GLMN: variants seen among roughly 807,000 people sequenced by gnomAD.
The protein encoded by GLMN is glomulin.
Under a neutral mutation model 87.8 loss-of-function variants are expected in GLMN, and 75 were observed. The observed-to-expected ratio is 0.85, with a 90% CI of 0.71 to 1.04. The LOEUF is 1.04. Among genes scored for constraint, GLMN ranks in the 50% least tolerant of loss-of-function variants. The probability of loss-of-function intolerance (pLI) is 0.00; values close to 1 mark genes in which losing one functional copy is unlikely to be tolerated. For missense variants in GLMN, 588 were observed against 658.8 expected (o/e 0.89, Z 1.18); for synonymous variants, 206 against 221.6 (o/e 0.93, Z 0.63).
At chr1:92,257,051 G>GCA (rs1262875629) in intron 16 of GLMN, among the ~76,000 whole-genome samples, 2 of 152,160 alleles carry the variant, frequency 1.3e-5, no homozygotes, top group Admixed American at 6.5e-5. Flanking sequence ...AGCAACTTTG[G>GCA]CAAAGTCTCA....
chr1:92,361,457 T>C, the GLMN span, among the ~76,000 whole-genome samples: 1 of 152,170 alleles, frequency 6.6e-6, no homozygotes, highest in African/African-American at 2.4e-5. Flanking sequence ...TATGGACTTA[T>C]GGCATAGATT....
At chr1:92,336,177 G>C in the GLMN span, among the ~76,000 whole-genome samples, 1 of 152,258 alleles carries the variant, frequency 6.6e-6, no homozygotes, top group South Asian at 2.1e-4. Context: ...GGGTTACTAT[G>C]AATGTTTCCT....
rs1329088044 is a variant in GLMN at position 92,250,497 on chromosome 1, G to T, written c.1474-2508C>A. On this transcript the variant is annotated intron_variant, in intron 16 of 18. Coordinates refer to ENST00000370360, the MANE Select transcript of GLMN (RefSeq NM_053274.3). ...TTCAAAATAATGCAGCATTTACATT[G>T]CTGTATGTTTTCCCATTCACACGGG... 4.6e-5 allele frequency among the ~76,000 whole-genome samples: 7 copies of T among 152,224 alleles called. No individual in the cohort carries two copies. The East Asian group carries it at 1.2e-3, about 25-fold the overall frequency.
At chr1:92,326,485 A>G in the GLMN span, among the ~76,000 whole-genome samples, 1 of 152,262 alleles carries the variant, frequency 6.6e-6, no homozygotes, top group East Asian at 1.9e-4. Flanking sequence ...TTGTGGTAGT[A>G]TAGGGAGGAT....
At chr1:92,308,642 T>TG in the GLMN span, among the ~76,000 whole-genome samples, 1 of 152,204 alleles carries the variant, frequency 6.6e-6, no homozygotes, top group East Asian at 1.9e-4. Flanking sequence ...GCATAGGTAT[T>TG]GGTCCTTCCT....
the GLMN span, chr1:92,336,479 T>C: frequency 4.0e-6 from 5 of 1,253,586 alleles, no homozygotes; most frequent in Non-Finnish European, 5.8e-6. Context: ...CTTTATTTAT[T>C]GCCTTGCAGA....
chr1:92,249,650 C>T (rs1386585), intron 16 of GLMN, among the ~76,000 whole-genome samples: 131,378 of 152,136 alleles, frequency 0.86, 57,154 homozygotes, highest in East Asian at 1. Context: ...TGTCCTCTCT[C>T]CTAGCTACAT....
chr1:92,362,362 T>C, the GLMN span, among the ~76,000 whole-genome samples: 1 of 152,184 alleles, frequency 6.6e-6, no homozygotes, highest in Non-Finnish European at 1.5e-5. Flanking sequence ...TTCAAATGCT[T>C]CCATTTTATT....
the GLMN span, among the ~76,000 whole-genome samples, chr1:92,345,462 A>T: frequency 9.8e-6 from 1 of 102,330 alleles, no homozygotes; most frequent in South Asian, 3.8e-4. Flanking sequence ...GGACAGAGGG[A>T]GGGAGGGAAA....
At chr1:92,266,960 TA>T (rs1655710585) in intron 11 of GLMN, among the ~76,000 whole-genome samples, 1 of 152,186 alleles carries the variant, frequency 6.6e-6, no homozygotes, top group Non-Finnish European at 1.5e-5. Flanking sequence ...AGTGTACTTT[TA>T]AAAGCAAACG....
At chr1:92,322,569 CAAAAAAT>C in the GLMN span, among the ~76,000 whole-genome samples, 2 of 149,934 alleles carry the variant, frequency 1.3e-5, no homozygotes, top group Non-Finnish European at 3.0e-5. Flanking sequence ...AAATAAAATA[CAAAAAAT>C]AAAAAATAAA....
At chr1:92,350,036 T>C in the GLMN span, among the ~76,000 whole-genome samples, 1 of 152,212 alleles carries the variant, frequency 6.6e-6, no homozygotes, top group South Asian at 2.1e-4. Flanking sequence ...CAGTTGATCA[T>C]TGCACACTCA....
At chr1:92,255,597 G>C (rs1654117010) in intron 16 of GLMN, among the ~76,000 whole-genome samples, 1 of 152,160 alleles carries the variant, frequency 6.6e-6, no homozygotes, top group Non-Finnish European at 1.5e-5. Flanking sequence ...TAGAACTCAG[G>C]ATTAAGAAAC....
chr1:92,323,681 A>G, the GLMN span: 88 of 1,613,710 alleles, frequency 5.5e-5, no homozygotes, highest in Non-Finnish European at 7.3e-5. Context: ...AAAGCTGGTC[A>G]CAAAGCTAAC....
the GLMN span, among the ~76,000 whole-genome samples, chr1:92,355,904 C>G: frequency 6.6e-6 from 1 of 152,128 alleles, no homozygotes; most frequent in South Asian, 2.1e-4. Context: ...AAGGGATACT[C>G]AAACTATATT....
At chr1:92,333,921 GT>G in the GLMN span, among the ~76,000 whole-genome samples, 1 of 152,184 alleles carries the variant, frequency 6.6e-6, no homozygotes, top group Non-Finnish European at 1.5e-5. Context: ...ATGAGTTTTT[GT>G]TCAACTCAAC....
intron 16 of GLMN, among the ~76,000 whole-genome samples, chr1:92,262,252 T>C (rs1289347457): frequency 1.3e-5 from 2 of 152,014 alleles, no homozygotes; most frequent in Non-Finnish European, 2.9e-5. Flanking sequence ...GTGACACATA[T>C]AGGGAAAGCA....
chr1:92,251,986 T>C (rs1653576459), intron 16 of GLMN, among the ~76,000 whole-genome samples: 1 of 151,904 alleles, frequency 6.6e-6, no homozygotes, highest in South Asian at 2.1e-4. Flanking sequence ...TTAGTAGAGA[T>C]GGGGTTTCGC....
Position 92,247,122 on chromosome 1 carries a change from A to G in GLMN, c.1608T>C (p.Leu536=). 6.4e-7 allele frequency: 1 copy of G among 1,562,586 alleles called. No individual in the cohort carries two copies. Among genetic ancestry groups the G allele is most frequent in the East Asian group, 2.2e-5 (1 of 44,648 alleles). ...CTTCTCCACTTACAGTTATAGAACA[A>G]AGATCTTTAGATTTCTGGGCCTCTG... is the stretch of plus-strand genomic sequence containing the variant. ...NSQEAQKSKD[L]CSITVSGEEI... The change falls in exon 18 of 19, where the codon CTT becomes CTC. Residue 536 remains leucine (L), a synonymous_variant. Coordinates refer to ENST00000370360, the MANE Select transcript of GLMN (RefSeq NM_053274.3).
Sources: gnomAD v4.1 joint callset for allele counts (sites outside exome capture counted in the v4.1 genomes callset) on GRCh38, gnomAD v4.1.1 for gene constraint, MANE v1.5 for transcripts, NCBI Gene and HGNC (gene_info 2026-07-23, HGNC 2026-07-21) for gene names.